GATC: variants seen among roughly 807,000 people sequenced by gnomAD.
The protein encoded by GATC is glutamyl-tRNA amidotransferase subunit C.
Under a neutral mutation model 14.4 loss-of-function variants are expected in GATC, and 11 were observed. That is an observed-to-expected ratio of 0.77 (90% CI 0.48 to 1.27). GATC has a LOEUF of 1.27. GATC is among the 50% of genes most tolerant of loss of function. GATC has a pLI of 0.00. For synonymous variants in GATC, 76 were observed against 79.3 expected, an observed-to-expected ratio of 0.96 and a Z score of 0.22; for missense variants, 204 against 183.0, an observed-to-expected ratio of 1.11 and a Z score of -0.66.
Position 120,447,016 on chromosome 12 carries a change from G to GT in GATC, c.254+188dup, listed in dbSNP as rs1039527736. On this transcript the variant is annotated intron_variant, in intron 2 of 3. Transcript: ENST00000551765. ...GTTCATTACTGATGCTCTCGCTAGT[G>GT]TAAGTGGAAACAAAACCCGAACTGC... is the stretch of plus-strand genomic sequence containing the variant. Among the ~76,000 whole-genome samples, 43 of 151,186 alleles carry GT rather than the reference G, an allele frequency of 2.8e-4. No homozygotes were observed. In the East Asian group the frequency reaches 7.7e-3, roughly 27 times the overall value.
intron 2 of GATC, among the ~76,000 whole-genome samples, chr12:120,452,365 G>A (rs1377809593): frequency 2.0e-5 from 3 of 152,098 alleles, no homozygotes; most frequent in Non-Finnish European, 4.4e-5. Flanking sequence ...AGCTAAAGTC[G>A]ATTCCTAGGA....
intron 2 of GATC, among the ~76,000 whole-genome samples, chr12:120,450,959 T>C (rs148662934): frequency 0.08 from 12,095 of 151,820 alleles, 651 homozygotes; most frequent in Non-Finnish European, 0.12. Context: ...CTGGCCAACA[T>C]GGCGAAACCC....
intron 3 of GATC, among the ~76,000 whole-genome samples, chr12:120,459,696 A>G (rs373102689): frequency 1.5e-4 from 23 of 152,284 alleles, no homozygotes; most frequent in African/African-American, 5.3e-4. Context: ...CTCTATTAAA[A>G]ATACAAAAAA....
At position 120,455,182 on chromosome 12, in the gene GATC, C is replaced by CT. The variant is rs113316290; in HGVS notation, c.255-1883dup. Among the ~76,000 whole-genome samples, 219 of 145,892 alleles carry CT rather than the reference C, an allele frequency of 1.5e-3. 1 individual carries two copies. Among genetic ancestry groups the CT allele is most frequent in the Non-Finnish European group, 2.4e-3 (158 of 65,960 alleles). On this transcript the variant is annotated intron_variant, in intron 2 of 3. Transcript: ENST00000551765. ...ACAGGCTTGAGCCACTGTGCCTGGC[C>CT]TTTTTTTTTTTCTTCTTGCTCTGTC...
Position 120,460,715 on chromosome 12 carries a change from A to G in GATC, c.*756A>G, listed in dbSNP as rs1200459430. ...AAGGATAAATGAAACTTATTTAGGG[A>G]TAAAAGTGGGCTGGGCGCAGTGGCT... On this transcript the variant is annotated 3_prime_UTR_variant, in exon 4 of 4. Transcript: ENST00000551765. The G allele has an allele frequency of 1.3e-5, 2 of 152,178 alleles. No individual in the cohort carries two copies. The highest frequency in any genetic ancestry group is 2.4e-5 in the African/African-American group (1 of 41,448). 9.4% of individuals were successfully genotyped at this position (152,178 alleles called of 1,614,324 possible).
At chr12:120,457,534 A>G (rs547171189) in intron 3 of GATC, among the ~76,000 whole-genome samples, 1 of 152,270 alleles carries the variant, frequency 6.6e-6, no homozygotes, top group South Asian at 2.1e-4. Context: ...CATACCATGA[A>G]TAAATATTTG....
chr12:120,451,875 C>CTTTTTTTTTTTTCTTTTTT (rs1592984307), intron 2 of GATC, among the ~76,000 whole-genome samples: 3 of 90,794 alleles, frequency 3.3e-5, no homozygotes, highest in East Asian at 3.9e-4. Flanking sequence ...TATATAAATT[C>CTTTTTTTTTTTTCTTTTTT]TTTTTTTTTT....
Position 120,460,241 on chromosome 12 carries a change from G to T in GATC, c.*282G>T. 1 of 277,120 alleles carries T rather than the reference G, an allele frequency of 3.6e-6. No homozygotes were observed. The highest frequency in any genetic ancestry group is 6.9e-6 in the Non-Finnish European group (1 of 145,190). The allele number at this position is 277,120 out of a possible 1,614,324, so 17.2% of individuals were successfully genotyped here. A position where few individuals can be genotyped will look rare whatever the true frequency, so the allele number is the denominator to read the frequency against. On this transcript the variant is annotated 3_prime_UTR_variant, in exon 4 of 4. Transcript: ENST00000551765. ...TCAGTATGGAAGACATTATTTATCTGCCTTTAACTCCCCCCAAAGGACCAT... is the reference window on the plus strand; with the variant it reads ...TCAGTATGGAAGACATTATTTATCTTCCTTTAACTCCCCCCAAAGGACCAT...
intron 2 of GATC, chr12:120,450,645 CCTT>C (rs1382257678): frequency 6.4e-6 from 1 of 156,652 alleles, no homozygotes; most frequent in African/African-American, 2.4e-5. Flanking sequence ...TTTTCTATCT[CCTT>C]CATTGCAAAT....
chr12:120,461,953 G>A lies in GATC; in HGVS notation c.*1994G>A. 1 of 1,426,498 alleles carries A rather than the reference G, an allele frequency of 7.0e-7. No homozygotes were observed. Among genetic ancestry groups the A allele is most frequent in the Non-Finnish European group, 9.3e-7 (1 of 1,074,742 alleles). 88.4% of individuals were successfully genotyped at this position (1,426,498 alleles called of 1,614,324 possible). A position where few individuals can be genotyped will look rare whatever the true frequency, so the allele number is the denominator to read the frequency against. Reference sequence around the variant, plus strand: ...AGACACTAAATCCTCAATCTGGAATGTAGATTCTGAGCACAAAGCAGCTCA... The same window carrying A: ...AGACACTAAATCCTCAATCTGGAATATAGATTCTGAGCACAAAGCAGCTCA... On this transcript the variant is annotated 3_prime_UTR_variant, in exon 4 of 4. Coordinates refer to ENST00000551765, the MANE Select transcript of GATC (RefSeq NM_176818.3).
chr12:120,449,673 C>G (rs947951158), intron 2 of GATC, among the ~76,000 whole-genome samples: 1 of 152,070 alleles, frequency 6.6e-6, no homozygotes, highest in Non-Finnish European at 1.5e-5. Context: ...TCTTGAACTC[C>G]TGACCTCAGG....
chr12:120,462,264 T>G lies in GATC; in HGVS notation c.*2305T>G, dbSNP rs900825327. 7.9e-6 allele frequency: 10 copies of G among 1,266,970 alleles called. No individual in the cohort carries two copies. The African/African-American group carries it at 1.5e-4, about 19-fold the overall frequency. 78.5% of individuals were successfully genotyped at this position (1,266,970 alleles called of 1,614,324 possible). A position where few individuals can be genotyped will look rare whatever the true frequency, so the allele number is the denominator to read the frequency against. Reference sequence around the variant, plus strand: ...CAATAATAGTTAAGTATTGAGCACTTACTGTGTACTCTGTGCCTGGCATGA... The same window carrying G: ...CAATAATAGTTAAGTATTGAGCACTGACTGTGTACTCTGTGCCTGGCATGA... On this transcript the variant is annotated 3_prime_UTR_variant, in exon 4 of 4. Coordinates refer to ENST00000551765, the MANE Select transcript of GATC (RefSeq NM_176818.3).
intron 3 of GATC, 139 bp downstream of exon 3, chr12:120,457,318 C>A: frequency 1.5e-6 from 1 of 686,834 alleles, no homozygotes; most frequent in South Asian, 1.7e-5. Context: ...ATTAAGGTGG[C>A]AGTAGGGTCC....
chr12:120,455,700 T>G (rs183288989), intron 2 of GATC, among the ~76,000 whole-genome samples: 1 of 151,878 alleles, frequency 6.6e-6, no homozygotes, highest in Non-Finnish European at 1.5e-5. Flanking sequence ...TTCTCTTTTT[T>G]TTTGAGGCAG....
At chr12:120,446,610 CTT>C in intron 1 of GATC, 45 bp from the exon 2 acceptor site, 3 of 1,591,832 alleles carry the variant, frequency 1.9e-6, no homozygotes, top group Non-Finnish European at 2.6e-6. Context: ...CCGGGAGGCA[CTT>C]CGGAGCGCCG....
At position 120,463,729 on chromosome 12, in the gene GATC, T is replaced by G. The variant is rs758939719; in HGVS notation, c.*3770T>G. Reference sequence around the variant, plus strand: ...TGTAATGTGATACTAATATGCAGAATAAAGCATATTAAAAAACAAACGTAC... The same window carrying G: ...TGTAATGTGATACTAATATGCAGAAGAAAGCATATTAAAAAACAAACGTAC... On this transcript the variant is annotated 3_prime_UTR_variant, in exon 4 of 4. Coordinates refer to ENST00000551765, the MANE Select transcript of GATC (RefSeq NM_176818.3). The G allele has an allele frequency of 2.3e-4, 111 of 492,418 alleles. 1 individual carries two copies. Among genetic ancestry groups the G allele is most frequent in the Non-Finnish European group, 2.9e-4 (80 of 280,350 alleles). The allele number at this position is 492,418 out of a possible 1,614,324, so 30.5% of individuals were successfully genotyped here.
At chr12:120,457,930 C>T (rs1878231085) in intron 3 of GATC, among the ~76,000 whole-genome samples, 1 of 66,980 alleles carries the variant, frequency 1.5e-5, no homozygotes, top group Non-Finnish European at 2.6e-5. Context: ...GTTTCTGTCA[C>T]ATCTTTGCCT....
rs1878306648 is a variant in GATC, at chr12:120,460,573, C to A, written c.*614C>A. 6.6e-6 allele frequency: 1 copy of A among 152,196 alleles called. No homozygotes were observed. The highest frequency in any genetic ancestry group is 2.4e-5 in the African/African-American group (1 of 41,440). 9.4% of individuals were successfully genotyped at this position (152,196 alleles called of 1,614,324 possible). A position where few individuals can be genotyped will look rare whatever the true frequency, so the allele number is the denominator to read the frequency against. On this transcript the variant is annotated 3_prime_UTR_variant, in exon 4 of 4. Transcript: ENST00000551765. ...GGGATACTAGTCATACCTAGTGTTTCTCTTTCTGAAAAGAGAACTTATCCT... is the reference window on the plus strand; with the variant it reads ...GGGATACTAGTCATACCTAGTGTTTATCTTTCTGAAAAGAGAACTTATCCT...
At chr12:120,457,278 G>A in intron 3 of GATC, 99 bp downstream of exon 3, 1 of 874,246 alleles carries the variant, frequency 1.1e-6, no homozygotes, top group South Asian at 1.4e-5. Flanking sequence ...AAGGCACTTT[G>A]AAAAGGATGA....
Sources: gnomAD v4.1 joint callset for allele counts (sites outside exome capture counted in the v4.1 genomes callset) on GRCh38, gnomAD v4.1.1 for gene constraint, MANE v1.5 for transcripts, NCBI Gene and HGNC (gene_info 2026-07-23, HGNC 2026-07-21) for gene names.